The following FAT1 variants were observed in gnomAD, a reference collection of about 807,000 sequenced individuals.
FAT1 encodes the protein protocadherin Fat 1.
A neutral mutation model predicts 329.8 loss-of-function variants in FAT1; 171 were observed. The ratio of observed to expected loss-of-function variants is 0.52; its 90% CI spans 0.46 to 0.59. The LOEUF (loss-of-function observed/expected upper bound fraction) is 0.59. FAT1 is among the 20% of genes least tolerant of loss of function. The pLI is 0.00. For synonymous variants in FAT1, 2,233 were observed against 2,228.6 expected, an observed-to-expected ratio of 1.00 and a Z score of -0.06; for missense variants, 5,672 against 5,774.4, an observed-to-expected ratio of 0.98 and a Z score of 0.57.
chr4:186,637,635 A>C (rs1560956832), intron 4 of FAT1, among the ~76,000 whole-genome samples: 1 of 152,230 alleles, frequency 6.6e-6, no homozygotes, highest in Non-Finnish European at 1.5e-5. Flanking sequence ...TGCACTGATG[A>C]CTGTTTCTAT....
chr4:186,610,725 T>TG (rs1739406032), intron 14 of FAT1, among the ~76,000 whole-genome samples: 1 of 134,528 alleles, frequency 7.4e-6, no homozygotes, highest in East Asian at 2.0e-4. Flanking sequence ...ATAATTTATA[T>TG]AAATATAAAT....
intron 2 of FAT1, among the ~76,000 whole-genome samples, chr4:186,700,470 T>C (rs1293168061): frequency 6.6e-6 from 1 of 152,118 alleles, no homozygotes; most frequent in Non-Finnish European, 1.5e-5. Flanking sequence ...GTCCTCCTAA[T>C]TGTGCTAGAT....
chr4:186,659,609 A>G (rs889527399), intron 3 of FAT1, among the ~76,000 whole-genome samples: 2 of 151,714 alleles, frequency 1.3e-5, no homozygotes, highest in African/African-American at 4.8e-5. Flanking sequence ...TACACACACA[A>G]GCCCGCTGTG....
intron 16 of FAT1, among the ~76,000 whole-genome samples, chr4:186,607,376 T>C (rs1038931935): frequency 6.8e-6 from 1 of 147,536 alleles, no homozygotes; most frequent in African/African-American, 2.5e-5. Flanking sequence ...GATGGGTGGA[T>C]GGGTAACTGG....
At chr4:186,642,657 C>G (rs1052045104) in intron 3 of FAT1, among the ~76,000 whole-genome samples, 1 of 150,762 alleles carries the variant, frequency 6.6e-6, no homozygotes, top group Non-Finnish European at 1.5e-5. Flanking sequence ...TGGGTGGCTA[C>G]GTGCTGCGAT....
rs1465884603 is a variant in FAT1 at position 186,611,451 on chromosome 4, G to A, written c.9788C>T (p.Ala3263Val). Residue 3263 changes from alanine (A) to valine (V), a missense_variant, in exon 14 of 27, where the codon GCA becomes GTA. Around this residue, in one of 2 missense-constraint regions of FAT1, gnomAD observed 1,706 missense variants for 1,859.1 expected, o/e 0.92. Coordinates refer to ENST00000441802, the MANE Select transcript of FAT1 (RefSeq NM_005245.4). The stretch of plus-strand genomic sequence containing the variant: ...ACTTATTATTGAGTAGGTGATTTCT[G>A]CATTTGCTTCAATATCCCGACTTGC... ...YAASRDIEAN[A>V]EITYSIISGN... is the part of the protein sequence containing the mutation. 6.2e-7 allele frequency: 1 copy of A among 1,613,826 alleles called. No homozygotes were observed. Among genetic ancestry groups the A allele is most frequent in the Non-Finnish European group, 8.5e-7 (1 of 1,179,794 alleles).
In FAT1 at chr4:186,603,106, G is replaced by C. The variant is rs996483536; in HGVS notation, c.11350+70C>G. ...TCAAGAACATCACCTTTCATGTATA[G>C]CCATCAAAGGCTTCAAAGGCCGTCT... On this transcript the variant is annotated intron_variant, in intron 19 of 26. Transcript: ENST00000441802. 5 of 1,605,434 alleles carry C rather than the reference G, an allele frequency of 3.1e-6. No homozygotes were observed. In the African/African-American group the frequency reaches 5.4e-5, roughly 17 times the overall value.
intron 2 of FAT1, among the ~76,000 whole-genome samples, chr4:186,677,644 C>T (rs1023407094): frequency 1.3e-5 from 2 of 151,994 alleles, no homozygotes; most frequent in African/African-American, 4.8e-5. Flanking sequence ...CCTACAATAC[C>T]CAGTATATGC....
At chr4:186,616,920 C>A in intron 11 of FAT1, 85 bp downstream of exon 11, 1 of 1,226,032 alleles carries the variant, frequency 8.2e-7, no homozygotes, top group Non-Finnish European at 1.2e-6. Context: ...ATGTGAATTA[C>A]ACCACAGCGC....
intron 4 of FAT1, 36 bp downstream of exon 4, chr4:186,639,683 TACG>T: frequency 7.4e-7 from 1 of 1,345,938 alleles, no homozygotes; most frequent in African/African-American, 1.5e-5. Flanking sequence ...TACTTGTAAC[TACG>T]AATCTTTAAG....
Position 186,633,941 on chromosome 4 carries a change from C to T in FAT1, c.4184-118G>A, listed in dbSNP as rs1740707563. ...CTTCTAATATACTAGCAAAGAGCTT[C>T]CAAGGAGGAGCATTTTGAAAGAAAA... On this transcript the variant is annotated intron_variant, in intron 6 of 26. Coordinates refer to ENST00000441802, the MANE Select transcript of FAT1 (RefSeq NM_005245.4). 21 of 1,053,646 alleles carry T rather than the reference C, an allele frequency of 2.0e-5. No individual in the cohort carries two copies. The South Asian group carries it at 3.7e-4, about 19-fold the overall frequency. 65.3% of individuals were successfully genotyped at this position (1,053,646 alleles called of 1,614,324 possible).
At chr4:186,681,469 A>G (rs1437839501) in intron 2 of FAT1, among the ~76,000 whole-genome samples, 1 of 152,204 alleles carries the variant, frequency 6.6e-6, no homozygotes, top group African/African-American at 2.4e-5. Context: ...CTGGCTACTA[A>G]CAGAAATCAC....
chr4:186,613,061 C>G (rs1220189598), intron 13 of FAT1, 48 bp downstream of exon 13: 1 of 1,340,042 alleles, frequency 7.5e-7, no homozygotes, highest in South Asian at 1.2e-5. Context: ...ACAGAGGCTC[C>G]TAGGATCTCA....
rs578213995 is a variant in FAT1, at chr4:186,623,704, A to T, written c.4811-1929T>A. 1.2e-4 allele frequency among the ~76,000 whole-genome samples: 18 copies of T among 152,312 alleles called. No homozygotes were observed. The East Asian group carries it at 3.5e-3, about 29-fold the overall frequency. The stretch of plus-strand genomic sequence containing the variant: ...CCAAGTGGGCATTCTCTTTGTCCTC[A>T]ATCAGGAGAGCACACTCATCTCAGA... On this transcript the variant is annotated intron_variant, in intron 9 of 26. Transcript: ENST00000441802.
rs1744711160 is a variant in FAT1, at chr4:186,707,818, T to G, written c.2010A>C (p.Val670=). ...CACCAGTCTCTTCACACTGCAAGTTTACCAGCTTGTGACTGGCAGCCACTG... is the reference window on the plus strand; with the variant it reads ...CACCAGTCTCTTCACACTGCAAGTTGACCAGCTTGTGACTGGCAGCCACTG... ...NITVAASHKL[V]NLQCEETGVA... Residue 670 remains valine (V), a synonymous_variant, in exon 2 of 27, where the codon GTA becomes GTC. Transcript: ENST00000441802. 6.2e-7 allele frequency: 1 copy of G among 1,613,768 alleles called. No individual in the cohort carries two copies. The highest frequency in any genetic ancestry group is 2.2e-5 in the East Asian group (1 of 44,880).
intron 22 of FAT1, among the ~76,000 whole-genome samples, chr4:186,599,563 G>A (rs1227542366): frequency 3.9e-5 from 6 of 152,142 alleles, no homozygotes; most frequent in Non-Finnish European, 8.8e-5. Flanking sequence ...TAACAAAGAA[G>A]GGCTAAGCGG....
At position 186,599,934 on chromosome 4, in the gene FAT1, G is replaced by C. The variant is rs745866138; in HGVS notation, c.12067C>G (p.Gln4023Glu). Residue 4023 changes from glutamine (Q) to glutamate (E), a missense_variant, in exon 22 of 27, where the codon CAG (glutamine) becomes GAG (glutamate). Physicochemically the swap from Gln to Glu is conservative, Grantham distance 29 (BLOSUM62 2). This residue lies in a region of FAT1 where 1,706 missense variants were observed against 1,859.1 expected (regional missense o/e 0.92). Coordinates refer to ENST00000441802, the MANE Select transcript of FAT1 (RefSeq NM_005245.4). ...GACGGATTGCAAACGCCTCCATTCTGGCAAGGGTTGCTGGCGCAGTCTTCC... is the reference window on the plus strand; with the variant it reads ...GACGGATTGCAAACGCCTCCATTCTCGCAAGGGTTGCTGGCGCAGTCTTCC... ...ATEDCASNPC[Q>E]NGGVCNPSPA... 11 of 1,613,548 alleles carry C rather than the reference G, an allele frequency of 6.8e-6. No homozygotes were observed. The African/African-American group carries it at 1.3e-4, about 20-fold the overall frequency.
At chr4:186,698,563 T>A (rs1042476150) in intron 2 of FAT1, among the ~76,000 whole-genome samples, 2 of 152,206 alleles carry the variant, frequency 1.3e-5, no homozygotes, top group Non-Finnish European at 2.9e-5. Context: ...AAAGCTTTAT[T>A]AAGTAGAGTT....
intron 5 of FAT1, 115 bp from the exon 6 acceptor site, chr4:186,636,350 T>C (rs1042138493): frequency 4.0e-6 from 4 of 999,778 alleles, no homozygotes; most frequent in Non-Finnish European, 4.5e-6. Flanking sequence ...ACATTTCACA[T>C]TTGTATTCTG....
Sources: allele counts gnomAD v4.1 joint callset (sites outside exome capture counted in the v4.1 genomes callset), GRCh38; gene constraint gnomAD v4.1.1; regional missense constraint gnomAD v4.1.1; transcripts MANE v1.5; gene names NCBI Gene and HGNC (gene_info 2026-07-23, HGNC 2026-07-21).